NDUFA9: variants seen among roughly 807,000 people sequenced by gnomAD.
NDUFA9 encodes the protein NADH dehydrogenase [ubiquinone] 1 alpha subcomplex subunit 9, mitochondrial.
In NDUFA9, 23 loss-of-function variants were observed where a neutral mutation model predicts 45.9. That is an observed-to-expected ratio of 0.50 (90% confidence interval 0.36 to 0.71). The LOEUF is 0.71. Among genes scored for constraint, NDUFA9 ranks in the 30% least tolerant of loss-of-function variants. The pLI is 0.00. For synonymous variants in NDUFA9, 176 were observed against 170.5 expected (o/e 1.03, Z -0.25); for missense variants, 466 against 488.2 (o/e 0.95, Z 0.43).
intron 8 of NDUFA9, among the ~76,000 whole-genome samples, chr12:4,680,260 G>A (rs1383621060): frequency 1.3e-5 from 2 of 152,140 alleles, no homozygotes; most frequent in Non-Finnish European, 2.9e-5. Flanking sequence ...ATAAGGTGAA[G>A]TCAATCAGTT....
In NDUFA9 at chr12:4,659,158, C is replaced by G. The variant is rs747113808; in HGVS notation, c.533C>G (p.Ser178Cys). Reference protein sequence around the residue: ...SHLNANIKSSSRYLRNKAVGE... With the variant: ...SHLNANIKSSCRYLRNKAVGE... ...CTGAATGCGAATATTAAAAGCTCTT[C>G]TAGATATTTGAGAAATAAGGTAAGT... Residue 178 changes from serine (S) to cysteine (C), a missense_variant, in exon 5 of 11, where the codon TCT becomes TGT. Coordinates refer to ENST00000266544, the MANE Select transcript of NDUFA9 (RefSeq NM_005002.5). The G allele has an allele frequency of 8.1e-6, 13 of 1,611,508 alleles. No homozygotes were observed. In the South Asian group the frequency reaches 9.9e-5, roughly 12 times the overall value.
chr12:4,660,742 T>C (rs983087985), intron 5 of NDUFA9, among the ~76,000 whole-genome samples: 8 of 152,178 alleles, frequency 5.3e-5, no homozygotes, highest in African/African-American at 1.2e-4. Flanking sequence ...TGAATACTTA[T>C]GAATGCCATT....
chr12:4,656,478 C>T (rs1318929854), intron 3 of NDUFA9, among the ~76,000 whole-genome samples: 1 of 152,200 alleles, frequency 6.6e-6, no homozygotes. Flanking sequence ...GCTCTGAGCA[C>T]GTTTGGATGA....
intron 9 of NDUFA9, among the ~76,000 whole-genome samples, chr12:4,682,690 T>G (rs1945960943): frequency 6.6e-6 from 1 of 151,974 alleles, no homozygotes; most frequent in Non-Finnish European, 1.5e-5. Flanking sequence ...GGGAAAGGAG[T>G]CAGGCTAATT....
chr12:4,657,461 CA>C, intron 3 of NDUFA9: 2 of 265,192 alleles, frequency 7.5e-6, no homozygotes, highest in South Asian at 6.0e-5. Context: ...GTTGGGTGGA[CA>C]AAAACTAATA....
intron 3 of NDUFA9, chr12:4,657,321 A>G (rs1021768917): frequency 1.3e-5 from 2 of 156,622 alleles, no homozygotes; most frequent in African/African-American, 2.4e-5. Flanking sequence ...CACTCTTCCT[A>G]TCTTCAGTCT....
At chr12:4,668,407 T>C in intron 6 of NDUFA9, 50 bp from the exon 7 acceptor site, 1 of 1,390,058 alleles carries the variant, frequency 7.2e-7, no homozygotes, top group South Asian at 1.2e-5. Flanking sequence ...TGTTGGATCT[T>C]ACAGCAATTT....
intron 6 of NDUFA9, among the ~76,000 whole-genome samples, chr12:4,666,289 T>TAC (rs1945852810): frequency 6.6e-6 from 1 of 152,242 alleles, no homozygotes. Context: ...GAACATTAAA[T>TAC]ACTTATCAGA....
chr12:4,662,525 T>A lies in NDUFA9; in HGVS notation c.553-8T>A, dbSNP rs1423791434. 1 of 1,610,618 alleles carries A rather than the reference T, an allele frequency of 6.2e-7. No individual in the cohort carries two copies. ...AACTCAAAACAGGTTTGTTTGGTTA[T>A]TGTTTAGGCTGTTGGAGAGAAAGTA... On this transcript the variant is annotated splice_region_variant and splice_polypyrimidine_tract_variant and intron_variant, in intron 5 of 10. Transcript: ENST00000266544.
intron 4 of NDUFA9, among the ~76,000 whole-genome samples, chr12:4,658,607 C>T (rs1482806308): frequency 6.6e-6 from 1 of 152,138 alleles, no homozygotes; most frequent in Non-Finnish European, 1.5e-5. Flanking sequence ...CTTTAAAGGG[C>T]CTCAGCCTCA....
At position 4,689,040 on chromosome 12, in the gene NDUFA9, T is replaced by C. The variant is rs1485132635; in HGVS notation, c.*1932T>C. On this transcript the variant is annotated 3_prime_UTR_variant, in exon 11 of 11. Transcript: ENST00000266544. ...AGGGTATATGTGGTAATTTGATATA[T>C]TCATATAATCAATCAGTGTAATTGG... 3.3e-5 allele frequency: 5 copies of C among 152,238 alleles called. No homozygotes were observed. The highest frequency in any genetic ancestry group is 7.3e-5 in the Non-Finnish European group (5 of 68,044). The allele number at this position is 152,238 out of a possible 1,614,324, so 9.4% of individuals were successfully genotyped here.
chr12:4,679,346 A>G (rs1014559777), intron 8 of NDUFA9, among the ~76,000 whole-genome samples: 2 of 152,214 alleles, frequency 1.3e-5, no homozygotes, highest in African/African-American at 4.8e-5. Flanking sequence ...TGGTAAATGT[A>G]TGAAAAATCA....
intron 8 of NDUFA9, among the ~76,000 whole-genome samples, chr12:4,680,916 G>A (rs1420467346): frequency 6.6e-6 from 1 of 152,126 alleles, no homozygotes; most frequent in Non-Finnish European, 1.5e-5. Flanking sequence ...AAATCGTACA[G>A]AACTATTCAG....
Position 4,687,334 on chromosome 12 carries a change from T to C in NDUFA9, c.*226T>C. The C allele has an allele frequency of 2.9e-6, 1 of 349,124 alleles. No individual in the cohort carries two copies. Among genetic ancestry groups the C allele is most frequent in the Non-Finnish European group, 5.0e-6 (1 of 198,192 alleles). The allele number at this position is 349,124 out of a possible 1,614,324, so 21.6% of individuals were successfully genotyped here. On this transcript the variant is annotated 3_prime_UTR_variant, in exon 11 of 11. Coordinates refer to ENST00000266544, the MANE Select transcript of NDUFA9 (RefSeq NM_005002.5). Reference sequence around the variant, plus strand: ...ACATATTTAATAATGATATATATACTATTTATTCTCTGAAATGCCAGAGAG... The same window carrying C: ...ACATATTTAATAATGATATATATACCATTTATTCTCTGAAATGCCAGAGAG...
chr12:4,654,884 C>G lies in NDUFA9; in HGVS notation c.280C>G (p.Leu94Val), dbSNP rs1348271954. 3.1e-6 allele frequency: 5 copies of G among 1,613,856 alleles called. No homozygotes were observed. The highest frequency in any genetic ancestry group is 4.2e-6 in the Non-Finnish European group (5 of 1,179,906). Residue 94 changes from leucine to valine, a missense_variant, in exon 3 of 11, where the codon CTT (leucine) becomes GTT (valine). Coordinates refer to ENST00000266544, the MANE Select transcript of NDUFA9 (RefSeq NM_005002.5). ...GTGTGATAAATATGACATCATGCAC[C>G]TTCGTCCCATGGGTGACCTGGGCCA... Reference protein sequence around the residue: ...YRCDKYDIMHLRPMGDLGQLL... With the variant: ...YRCDKYDIMHVRPMGDLGQLL...
intron 5 of NDUFA9, among the ~76,000 whole-genome samples, 188 bp downstream of exon 5, chr12:4,659,365 A>C (rs1330994890): frequency 6.6e-6 from 1 of 152,148 alleles, no homozygotes; most frequent in Admixed American, 6.5e-5. Flanking sequence ...TTCTGTTTGC[A>C]GGGAACTGTG....
intron 2 of NDUFA9, 80 bp downstream of exon 2, chr12:4,654,542 CT>C: frequency 6.7e-7 from 1 of 1,485,582 alleles, no homozygotes. Context: ...CTATGTTTCT[CT>C]TCATTTTAAC....
intron 8 of NDUFA9, among the ~76,000 whole-genome samples, chr12:4,674,341 T>C (rs1301682308): frequency 6.6e-6 from 1 of 152,134 alleles, no homozygotes; most frequent in African/African-American, 2.4e-5. Flanking sequence ...ATGGCTTCCT[T>C]GCATTGGCTA....
At chr12:4,649,744 G>A (rs1453661405) in intron 1 of NDUFA9, among the ~76,000 whole-genome samples, 5 of 152,178 alleles carry the variant, frequency 3.3e-5, no homozygotes, top group East Asian at 1.9e-4. Context: ...AGTGCGTTGG[G>A]GTCTGGGGGA....
Sources: allele counts gnomAD v4.1 joint callset (sites outside exome capture counted in the v4.1 genomes callset), GRCh38; gene constraint gnomAD v4.1.1; transcripts MANE v1.5; gene names NCBI Gene and HGNC (gene_info 2026-07-23, HGNC 2026-07-21).